Variants in SLTM observed in about 807,000 individuals in gnomAD.
SLTM encodes SAFB-like transcription modulator.
In SLTM, 43 loss-of-function variants were observed where a neutral mutation model predicts 134.6. The observed-to-expected ratio is 0.32, with a 90% CI of 0.25 to 0.41. The LOEUF (loss-of-function observed/expected upper bound fraction) is 0.41. SLTM is among the 10% of genes least tolerant of loss of function. SLTM has a pLI of 1.00. For missense variants in SLTM, 1,055 were observed against 1,288.8 expected (o/e 0.82, Z 2.78); for synonymous variants, 424 against 432.3 (o/e 0.98, Z 0.24).
chr15:58,920,165 A>C (rs1457222554), intron 2 of SLTM, among the ~76,000 whole-genome samples: 1 of 151,912 alleles, frequency 6.6e-6, no homozygotes, highest in Non-Finnish European at 1.5e-5. Context: ...AAAATACAAA[A>C]AAGTAGCTGG....
intron 5 of SLTM, among the ~76,000 whole-genome samples, chr15:58,911,042 C>T (rs984077893): frequency 1.7e-4 from 26 of 152,196 alleles, no homozygotes; most frequent in African/African-American, 5.1e-4. Context: ...CCATGCCTGG[C>T]CCCTCATAGA....
Position 58,899,604 on chromosome 15 carries a change from T to C in SLTM, c.923A>G (p.Lys308Arg). The change falls in exon 7 of 21, where the codon AAG becomes AGG. Residue 308 changes from lysine (K) to arginine (R), a missense_variant. Lys to Arg is a conservative substitution (Grantham distance 26). Around this residue, in one of 3 missense-constraint regions of SLTM, gnomAD observed 776 missense variants for 962.2 expected, o/e 0.81. Coordinates refer to ENST00000380516, the MANE Select transcript of SLTM (RefSeq NM_024755.4). This position sits in a 1 kb window ranked among gnomAD's most constrained non-coding sequence, Gnocchi z 5.0. ...EMNANHKDGK[K>R]EDCVKGDPVE... ...AGGGTCACCCTTCACGCAGTCTTCC[T>C]TCTTACCATCTTTATGGTTCGCATT... is the stretch of plus-strand genomic sequence containing the variant. 1 of 1,614,210 alleles carries C rather than the reference T, an allele frequency of 6.2e-7. No individual in the cohort carries two copies.
intron 8 of SLTM, chr15:58,897,449 G>A (rs1325307648): frequency 3.0e-5 from 13 of 427,134 alleles, no homozygotes; most frequent in Non-Finnish European, 5.5e-5. Flanking sequence ...TGAGTTCTAA[G>A]TTGAAGAGGG....
rs1294112796 is a variant in SLTM at position 58,879,656 on chromosome 15, A to G, written c.*343T>C. 1 of 169,196 alleles carries G rather than the reference A, an allele frequency of 5.9e-6. No individual in the cohort carries two copies. The highest frequency in any genetic ancestry group is 1.8e-4 in the South Asian group (1 of 5,690). 10.5% of individuals were successfully genotyped at this position (169,196 alleles called of 1,614,324 possible). Reference sequence around the variant, plus strand: ...GGTAAAAAGAAGTAACTCTAGAGCCAGACACCACAGAGCTAAGGCTGCAAA... The same window carrying G: ...GGTAAAAAGAAGTAACTCTAGAGCCGGACACCACAGAGCTAAGGCTGCAAA... On this transcript the variant is annotated 3_prime_UTR_variant, in exon 21 of 21. Transcript: ENST00000380516.
At position 58,933,127 on chromosome 15, in the gene SLTM, C is replaced by T. The variant is rs554041552; in HGVS notation, c.162+277G>A. Among the ~76,000 whole-genome samples, 25 of 152,118 alleles carry T rather than the reference C, an allele frequency of 1.6e-4. No individual in the cohort carries two copies. The South Asian group carries it at 2.7e-3, about 16-fold the overall frequency. On this transcript the variant is annotated intron_variant, in intron 1 of 20. Transcript: ENST00000380516. Reference sequence around the variant, plus strand: ...GGGAGGCCGCGCCGGCCGGCCGCAACCCTCGCAGCCTGGCGGGGACGTCCC... The same window carrying T: ...GGGAGGCCGCGCCGGCCGGCCGCAATCCTCGCAGCCTGGCGGGGACGTCCC...
In SLTM at chr15:58,897,318, A is replaced by G. The variant is rs966818389; in HGVS notation, c.1109-85T>C. 19 of 743,116 alleles carry G rather than the reference A, an allele frequency of 2.6e-5. 1 individual carries two copies. The African/African-American group carries it at 2.6e-4, about 10-fold the overall frequency. 46.0% of individuals were successfully genotyped at this position (743,116 alleles called of 1,614,324 possible). A position where few individuals can be genotyped will look rare whatever the true frequency, so the allele number is the denominator to read the frequency against. ...ATAAGGGCCACATTCTTTCAAAACT[A>G]TAATTTTGATAGTATGACGTTACTA... On this transcript the variant is annotated intron_variant, in intron 8 of 20. Transcript: ENST00000380516.
Position 58,912,100 on chromosome 15 carries a change from GT to G in SLTM, c.561+462del, listed in dbSNP as rs796282134. Among the ~76,000 whole-genome samples the G allele has an allele frequency of 5.1e-3, 704 of 137,626 alleles. 3 individuals carry two copies. Among genetic ancestry groups the G allele is most frequent in the Middle Eastern group, 0.011 (3 of 266 alleles). The allele number at this position is 137,626 out of a possible 152,430, so 90.3% of individuals were successfully genotyped here. A position where few individuals can be genotyped will look rare whatever the true frequency, so the allele number is the denominator to read the frequency against. ...GCAACAAAAATTTCAGCTGCCAATAGTTTTTTTTTTTTTTTTTGAGACAGAG... is the reference window on the plus strand; with the variant it reads ...GCAACAAAAATTTCAGCTGCCAATAGTTTTTTTTTTTTTTTTGAGACAGAG... On this transcript the variant is annotated intron_variant, in intron 5 of 20. Transcript: ENST00000380516.
At position 58,933,479 on chromosome 15, in the gene SLTM, A is replaced by C. The variant is rs757770986; in HGVS notation, c.87T>G (p.Asp29Glu). 3.1e-6 allele frequency: 5 copies of C among 1,598,646 alleles called. No individual in the cohort carries two copies. The highest frequency in any genetic ancestry group is 4.3e-6 in the Non-Finnish European group (5 of 1,173,312). The change falls in exon 1 of 21, where the codon GAT (aspartate) becomes GAG (glutamate). Residue 29 changes from aspartate (D) to glutamate (E), a missense_variant. Asp to Glu is a conservative substitution (Grantham distance 45). This residue lies in a region of SLTM where 268 missense variants were observed against 284.3 expected (regional missense o/e 0.94). Transcript: ENST00000380516. ...GKKITDLRVI[D>E]LKSELKRRNL... is the part of the protein sequence containing the mutation. Reference sequence around the variant, plus strand: ...TCCGCCGCTTCAGCTCGGACTTCAGATCGATGACCCGCAGATCGGTGATCT... The same window carrying C: ...TCCGCCGCTTCAGCTCGGACTTCAGCTCGATGACCCGCAGATCGGTGATCT...
chr15:58,885,041 A>G (rs1393099825), intron 19 of SLTM, among the ~76,000 whole-genome samples: 1 of 152,248 alleles, frequency 6.6e-6, no homozygotes, highest in Non-Finnish European at 1.5e-5. Context: ...GCCAGAGATC[A>G]AAACCTTAAG....
chr15:58,889,587 G>A, intron 15 of SLTM, 33 bp from the exon 16 acceptor site: 1 of 1,610,836 alleles, frequency 6.2e-7, no homozygotes. Flanking sequence ...AACCAACCAA[G>A]GCAAAATGAA....
At chr15:58,891,742 T>C (rs543868400) in intron 14 of SLTM, among the ~76,000 whole-genome samples, 91 of 152,364 alleles carry the variant, frequency 6.0e-4, no homozygotes, top group African/African-American at 2.1e-3. Context: ...TAAATTACTT[T>C]TATTTCTCCT....
At chr15:58,911,000 T>A (rs2036232255) in intron 5 of SLTM, among the ~76,000 whole-genome samples, 1 of 152,136 alleles carries the variant, frequency 6.6e-6, no homozygotes. Context: ...TGCCTCGGCC[T>A]CCCAAAGTGC....
chr15:58,905,174 A>G (rs1411049216), intron 5 of SLTM, among the ~76,000 whole-genome samples: 10 of 152,220 alleles, frequency 6.6e-5, no homozygotes, highest in Non-Finnish European at 1.2e-4. Flanking sequence ...TTGTTTTACT[A>G]GAATATTACT....
chr15:58,932,335 A>G, intron 2 of SLTM, 21 bp downstream of exon 2: 1 of 1,574,326 alleles, frequency 6.4e-7, no homozygotes, highest in Non-Finnish European at 8.7e-7. Context: ...ATTTTAAAAC[A>G]TGTTCATAAC....
chr15:58,898,729 A>G, intron 8 of SLTM, 74 bp downstream of exon 8: 1 of 1,131,932 alleles, frequency 8.8e-7, no homozygotes, highest in Non-Finnish European at 1.3e-6. Context: ...CAAAGAAAAC[A>G]CCGCGCAACT....
At chr15:58,932,101 C>A in intron 2 of SLTM, 1 of 377,552 alleles carries the variant, frequency 2.6e-6, no homozygotes, top group South Asian at 3.5e-5. Context: ...CATCATTACA[C>A]AACTTGACTT....
intron 5 of SLTM, among the ~76,000 whole-genome samples, chr15:58,911,374 ATT>A (rs2036257546): frequency 6.6e-6 from 1 of 152,102 alleles, no homozygotes; most frequent in Non-Finnish European, 1.5e-5. Flanking sequence ...CCTCCTCATT[ATT>A]TTTTCTGAAT....
rs1323112304 is a variant in SLTM, at chr15:58,932,572, A to T, written c.163-129T>A. 4.9e-6 allele frequency: 3 copies of T among 611,620 alleles called. No individual in the cohort carries two copies. In the African/African-American group the frequency reaches 5.5e-5, roughly 11 times the overall value. The allele number at this position is 611,620 out of a possible 1,614,324, so 37.9% of individuals were successfully genotyped here. ...GAATTGCCAGTCATTTCATCAACCGACTTCAAAAATGAGCAATTAAACTAC... is the reference window on the plus strand; with the variant it reads ...GAATTGCCAGTCATTTCATCAACCGTCTTCAAAAATGAGCAATTAAACTAC... On this transcript the variant is annotated intron_variant, in intron 1 of 20. Coordinates refer to ENST00000380516, the MANE Select transcript of SLTM (RefSeq NM_024755.4).
Position 58,894,106 on chromosome 15 carries a change from T to C in SLTM, c.1465A>G (p.Ser489Gly). The C allele has an allele frequency of 6.2e-7, 1 of 1,605,976 alleles. No individual in the cohort carries two copies. The highest frequency in any genetic ancestry group is 1.1e-5 in the South Asian group (1 of 89,614). ...SRSSGDKKNT[S>G]DRSSKTQASV... The stretch of plus-strand genomic sequence containing the variant: ...AATCCTTACTTGCTACTTCTATCAC[T>C]CGTATTTTTTTTATCTCCAGAACTT... Residue 489 changes from serine to glycine, a missense_variant, in exon 11 of 21, where the codon AGT (serine) becomes GGT (glycine). Ser to Gly is a moderately conservative substitution (Grantham distance 56, BLOSUM62 0). Around this residue, in one of 3 missense-constraint regions of SLTM, gnomAD observed 776 missense variants for 962.2 expected, o/e 0.81. Coordinates refer to ENST00000380516, the MANE Select transcript of SLTM (RefSeq NM_024755.4).
Sources: allele counts gnomAD v4.1 joint callset (sites outside exome capture counted in the v4.1 genomes callset), GRCh38; gene constraint gnomAD v4.1.1; regional missense constraint gnomAD v4.1.1; non-coding constraint Gnocchi (gnomAD v3.1); transcripts MANE v1.5; gene names NCBI Gene and HGNC (gene_info 2026-07-23, HGNC 2026-07-21).